Variants in CPA1 observed in about 807,000 individuals in gnomAD.
The protein encoded by CPA1 is carboxypeptidase A1 (pancreatic).
Under a neutral mutation model 48.7 loss-of-function variants are expected in CPA1, and 42 were observed. The ratio of observed to expected loss-of-function variants is 0.86; its 90% CI spans 0.67 to 1.11. The LOEUF (loss-of-function observed/expected upper bound fraction) is 1.11. Ranked by LOEUF, CPA1 falls within the 50% of genes most tolerant of loss-of-function variation. CPA1 has a pLI of 0.00. For synonymous variants in CPA1, 203 were observed against 217.9 expected, an observed-to-expected ratio of 0.93 and a Z score of 0.60; for missense variants, 477 against 544.7, an observed-to-expected ratio of 0.88 and a Z score of 1.24.
At chr7:130,386,025 C>T (rs1343669070) in intron 9 of CPA1, 102 bp downstream of exon 9, 1 of 1,028,886 alleles carries the variant, frequency 9.7e-7, no homozygotes. Context: ...GCCAAGGGCA[C>T]CCAGATCTGT....
intron 1 of CPA1, 76 bp from the exon 2 acceptor site, chr7:130,381,022 C>T: frequency 8.2e-7 from 1 of 1,214,822 alleles, no homozygotes; most frequent in Non-Finnish European, 1.2e-6. Flanking sequence ...TGCTGCCTCC[C>T]TCCTGCACCT....
intron 2 of CPA1, 132 bp downstream of exon 2, chr7:130,381,311 C>T (rs1318418798): frequency 6.2e-5 from 41 of 666,006 alleles, no homozygotes; most frequent in Non-Finnish European, 8.1e-5. Context: ...TGTTAGGAAG[C>T]GACTTCAAGC....
rs1554412208 is a variant in CPA1, at chr7:130,387,814, C to T, written c.1073-10C>T. On this transcript the variant is annotated splice_polypyrimidine_tract_variant and intron_variant, in intron 9 of 9. Coordinates refer to ENST00000011292, the MANE Select transcript of CPA1 (RefSeq NM_001868.4). The surrounding 1 kb of genome is among the most constrained non-coding windows in gnomAD (Gnocchi z 4.6). ...TTGACCCTTTCTCTCCTATTTTACT[C>T]CTGCCCCAGATCAAGCCAGTGGAAG... 3.1e-6 allele frequency: 5 copies of T among 1,612,580 alleles called. No individual in the cohort carries two copies. The highest frequency in any genetic ancestry group is 4.2e-6 in the Non-Finnish European group (5 of 1,179,172).
At position 130,381,806 on chromosome 7, in the gene CPA1, G is replaced by C. The variant is rs1796409318; in HGVS notation, c.324G>C (p.Arg108=). ...AGCAGGAGCAGATGTTCGCCTTCCG[G>C]TCCCGGGCGCGCTCCACCGACACTT... ...DEEQEQMFAF[R]SRARSTDTFN... Residue 108 remains arginine, a synonymous_variant, in exon 3 of 10, where the codon CGG becomes CGC. Coordinates refer to ENST00000011292, the MANE Select transcript of CPA1 (RefSeq NM_001868.4). 6.2e-7 allele frequency: 1 copy of C among 1,614,132 alleles called. No homozygotes were observed. Among genetic ancestry groups the C allele is most frequent in the South Asian group, 1.1e-5 (1 of 91,082 alleles).
rs1186893434 is a variant in CPA1 at position 130,382,145 on chromosome 7, C to T, written c.419C>T (p.Pro140Leu). The T allele has an allele frequency of 9.9e-6, 16 of 1,614,088 alleles. No homozygotes were observed. In the Admixed American group the frequency reaches 1.3e-4, roughly 13 times the overall value. Residue 140 changes from proline (P) to leucine (L), a missense_variant, in exon 4 of 10, where the codon CCG becomes CTG. Coordinates refer to ENST00000011292, the MANE Select transcript of CPA1 (RefSeq NM_001868.4). ...CTGGACCTGCTGGTGGCGGAGAACC[C>T]GCACCTTGTCAGCAAGATCCAGATT... ...DFLDLLVAENPHLVSKIQIGN... is the reference protein window; with the variant it reads ...DFLDLLVAENLHLVSKIQIGN...
At chr7:130,386,173 C>G (rs1796472217) in intron 9 of CPA1, among the ~76,000 whole-genome samples, 1 of 151,954 alleles carries the variant, frequency 6.6e-6, no homozygotes, top group Non-Finnish European at 1.5e-5. Context: ...AGTCTAGTTT[C>G]TTGGTTGGAT....
Position 130,385,892 on chromosome 7 carries a change from G to A in CPA1, c.1041G>A (p.Lys347=). The A allele has an allele frequency of 6.2e-7, 1 of 1,614,174 alleles. No homozygotes were observed. The highest frequency in any genetic ancestry group is 8.5e-7 in the Non-Finnish European group (1 of 1,180,030). ...VTALASLYGT[K]FNYGSIIKAI... is the part of the protein sequence containing the mutation. Reference sequence around the variant, plus strand: ...CCCTGGCCTCTCTCTACGGGACCAAGTTCAACTATGGCAGCATCATCAAGG... The same window carrying A: ...CCCTGGCCTCTCTCTACGGGACCAAATTCAACTATGGCAGCATCATCAAGG... The change falls in exon 9 of 10, where the codon AAG becomes AAA. Residue 347 remains lysine (K), a synonymous_variant. Coordinates refer to ENST00000011292, the MANE Select transcript of CPA1 (RefSeq NM_001868.4).
rs1796435641 is a variant in CPA1 at position 130,383,674 on chromosome 7, A to T, written c.586-10A>T. ...GCCTGCGCTGCCCCTCTGCTCCTCT[A>T]ACCCCCCAGATCACTCAAGACTACG... is the stretch of plus-strand genomic sequence containing the variant. On this transcript the variant is annotated splice_polypyrimidine_tract_variant and intron_variant, in intron 5 of 9. Coordinates refer to ENST00000011292, the MANE Select transcript of CPA1 (RefSeq NM_001868.4). 6.2e-7 allele frequency: 1 copy of T among 1,605,632 alleles called. No individual in the cohort carries two copies. The highest frequency in any genetic ancestry group is 2.2e-5 in the East Asian group (1 of 44,836).
Position 130,387,859 on chromosome 7 carries a change from A to G in CPA1, c.1108A>G (p.Ser370Gly), listed in dbSNP as rs2117509094. 1 of 1,614,186 alleles carries G rather than the reference A, an allele frequency of 6.2e-7. No individual in the cohort carries two copies. The highest frequency in any genetic ancestry group is 8.5e-7 in the Non-Finnish European group (1 of 1,180,046). The change falls in exon 10 of 10, where the codon AGC becomes GGC. Residue 370 changes from serine to glycine, a missense_variant. Transcript: ENST00000011292. The surrounding 1 kb of genome is among the most constrained non-coding windows in gnomAD (Gnocchi z 4.6). ...ASGSTIDWTY[S>G]QGIKYSFTFE... ...TGGAAGCACTATTGACTGGACCTAC[A>G]GCCAGGGCATCAAGTACTCCTTCAC...
chr7:130,382,892 C>T (rs1796424994), intron 4 of CPA1, among the ~76,000 whole-genome samples: 1 of 152,068 alleles, frequency 6.6e-6, no homozygotes, highest in Non-Finnish European at 1.5e-5. Context: ...ATCTGCCTGC[C>T]TCGGACTCCC....
At chr7:130,384,796 G>A in intron 7 of CPA1, 170 bp downstream of exon 7, 3 of 636,356 alleles carry the variant, frequency 4.7e-6, no homozygotes, top group Middle Eastern at 4.2e-4. Flanking sequence ...AGAGTTGGTT[G>A]TTACTCGCCT....
At chr7:130,384,993 C>T (rs1279275657) in intron 7 of CPA1, 153 bp from the exon 8 acceptor site, 2 of 739,940 alleles carry the variant, frequency 2.7e-6, no homozygotes, top group Admixed American at 2.4e-5. Context: ...GGCAGTTCCC[C>T]CAGGTTATAG....
rs1312546857 is a variant in CPA1 at position 130,387,729 on chromosome 7, C to G, written c.1073-95C>G. ...TGACTCCACTCAGCATTGCACAAGG[C>G]ACAGAGCTTTGGACAGGGTTGGATC... On this transcript the variant is annotated intron_variant, in intron 9 of 9. Coordinates refer to ENST00000011292, the MANE Select transcript of CPA1 (RefSeq NM_001868.4). The surrounding 1 kb of genome is among the most constrained non-coding windows in gnomAD (Gnocchi z 4.6). 2.8e-5 allele frequency: 32 copies of G among 1,140,770 alleles called. No individual in the cohort carries two copies. Among genetic ancestry groups the G allele is most frequent in the Non-Finnish European group, 2.6e-6 (2 of 775,960 alleles). 70.7% of individuals were successfully genotyped at this position (1,140,770 alleles called of 1,614,324 possible).
chr7:130,381,983 T>G, intron 3 of CPA1, 120 bp downstream of exon 3: 3 of 1,175,742 alleles, frequency 2.6e-6, no homozygotes, highest in East Asian at 4.9e-5. Flanking sequence ...TCTGTTTCCA[T>G]GTGGCCTGTG....
chr7:130,388,035 G>C lies in CPA1; in HGVS notation c.*24G>C. ...GAGCTGACCCTTTGACACCCTTCTT[G>C]TCCTCCTCTCTGGCCCCATCCAGGC... On this transcript the variant is annotated 3_prime_UTR_variant, in exon 10 of 10. Transcript: ENST00000011292. 6.2e-7 allele frequency: 1 copy of C among 1,611,698 alleles called. No individual in the cohort carries two copies. The highest frequency in any genetic ancestry group is 2.2e-5 in the East Asian group (1 of 44,876).
intron 9 of CPA1, among the ~76,000 whole-genome samples, chr7:130,386,739 AG>A (rs1796481861): frequency 1.3e-5 from 2 of 152,360 alleles, no homozygotes; most frequent in African/African-American, 4.8e-5. Context: ...GAATGAAATA[AG>A]CAAAGATCAG....
rs75426882 is a variant in CPA1 at position 130,380,759 on chromosome 7, C to T, written c.65+174C>T. The T allele has an allele frequency of 0.017, 8,590 of 512,260 alleles. 100 individuals carry two copies. Among genetic ancestry groups the T allele is most frequent in the Middle Eastern group, 0.026 (64 of 2,504 alleles). The allele number at this position is 512,260 out of a possible 1,614,324, so 31.7% of individuals were successfully genotyped here. A position where few individuals can be genotyped will look rare whatever the true frequency, so the allele number is the denominator to read the frequency against. On this transcript the variant is annotated intron_variant, in intron 1 of 9. Coordinates refer to ENST00000011292, the MANE Select transcript of CPA1 (RefSeq NM_001868.4). Reference sequence around the variant, plus strand: ...CCAGGGTTGGGAAGAGGTTGTGTCTCCCAAGACAGTCTCCTGAGCCCTGGA... The same window carrying T: ...CCAGGGTTGGGAAGAGGTTGTGTCTTCCAAGACAGTCTCCTGAGCCCTGGA...
chr7:130,381,029 A>G, intron 1 of CPA1, 69 bp from the exon 2 acceptor site: 1 of 1,289,584 alleles, frequency 7.8e-7, no homozygotes, highest in Non-Finnish European at 1.1e-6. Flanking sequence ...TCCCTCCTGC[A>G]CCTGGGGAGT....
intron 4 of CPA1, among the ~76,000 whole-genome samples, chr7:130,382,428 G>T (rs1215965690): frequency 3.3e-5 from 5 of 152,108 alleles, no homozygotes; most frequent in African/African-American, 9.7e-5. Flanking sequence ...CCAATCAAGT[G>T]TCCATTGTGG....
Sources: allele counts gnomAD v4.1 joint callset (sites outside exome capture counted in the v4.1 genomes callset), GRCh38; gene constraint gnomAD v4.1.1; non-coding constraint Gnocchi (gnomAD v3.1); transcripts MANE v1.5; gene names NCBI Gene and HGNC (gene_info 2026-07-23, HGNC 2026-07-21).